ANPEP: variants seen among roughly 807,000 people sequenced by gnomAD.
ANPEP encodes the protein aminopeptidase N.
ANPEP carries 70 observed loss-of-function variants against 114.6 expected under a neutral mutation model. The observed-to-expected ratio is 0.61, with a 90% confidence interval of 0.50 to 0.75. The LOEUF (loss-of-function observed/expected upper bound fraction) is 0.75. Ranked by LOEUF, ANPEP falls within the 30% of genes least tolerant of loss-of-function variation. The probability of loss-of-function intolerance (pLI) is 0.00; values close to 1 mark genes in which losing one functional copy is unlikely to be tolerated. For synonymous variants in ANPEP, 548 were observed against 522.3 expected, an observed-to-expected ratio of 1.05 and a Z score of -0.67; for missense variants, 1,184 against 1,259.5, an observed-to-expected ratio of 0.94 and a Z score of 0.91.
At chr15:89,787,963 TA>T (rs1968537265) in intron 20 of ANPEP, among the ~76,000 whole-genome samples, 1 of 152,088 alleles carries the variant, frequency 6.6e-6, no homozygotes. Flanking sequence ...ATGACTATAC[TA>T]AAAAAAGAGG....
At chr15:89,794,673 A>G (rs1430529007) in intron 15 of ANPEP, among the ~76,000 whole-genome samples, 2 of 151,996 alleles carry the variant, frequency 1.3e-5, no homozygotes, top group African/African-American at 4.8e-5. Flanking sequence ...GAGAGATTGA[A>G]CCAGGGGGCT....
At chr15:89,791,639 G>A (rs185480335) in intron 18 of ANPEP, among the ~76,000 whole-genome samples, 1 of 147,618 alleles carries the variant, frequency 6.8e-6, no homozygotes, top group Non-Finnish European at 1.5e-5. Context: ...TTTTAGTAGA[G>A]ACGGGGTTTC....
rs1555442971 is a variant in ANPEP at position 89,814,000 on chromosome 15, G to GGGGC, written c.-224+771_-224+772insGCCC. ...CTGCCCACCGCACTGCTGGGGGGGG[G>GGGGC]GGGTGCGTTCTGGAGTCATTTGGGG... On this transcript the variant is annotated intron_variant, in intron 1 of 20. Transcript: ENST00000300060. Among the ~76,000 whole-genome samples the GGGGC allele has an allele frequency of 9.9e-5, 15 of 151,532 alleles. 3 individuals carry two copies. Among genetic ancestry groups the GGGGC allele is most frequent in the African/African-American group, 3.7e-4 (15 of 41,018 alleles).
At position 89,804,265 on chromosome 15, in the gene ANPEP, C is replaced by T. The variant is rs201197057; in HGVS notation, c.1167G>A (p.Glu389=). 6.8e-6 allele frequency: 11 copies of T among 1,614,138 alleles called. No individual in the cohort carries two copies. The highest frequency in any genetic ancestry group is 1.1e-5 in the South Asian group (1 of 91,084). ...KERVVTVIAH[E]LAHQWFGNLV... ...GATGGGGGTCTACCTGGTGGGCCAG[C>T]TCATGAGCAATCACAGTGACCACCC... is the stretch of plus-strand genomic sequence containing the variant. Residue 389 remains glutamate, a synonymous_variant, in exon 6 of 21, where the codon GAG becomes GAA. Transcript: ENST00000300060.
In ANPEP at chr15:89,801,428, T is replaced by G. The variant is rs1032663909; in HGVS notation, c.1742+7A>C. The G allele has an allele frequency of 2.2e-5, 35 of 1,613,792 alleles. No homozygotes were observed. The highest frequency in any genetic ancestry group is 3.0e-5 in the Non-Finnish European group (35 of 1,179,860). ...CTGACCATGCCTCAGTGACCCCATC[T>G]GCTCACTTGAATTCTGAGGGGCGGG... On this transcript the variant is annotated splice_region_variant and intron_variant, in intron 11 of 20. Transcript: ENST00000300060.
At chr15:89,811,902 A>G (rs774880358) in intron 1 of ANPEP, among the ~76,000 whole-genome samples, 4 of 152,170 alleles carry the variant, frequency 2.6e-5, no homozygotes, top group Admixed American at 6.5e-5. Flanking sequence ...CAGCCTTTCT[A>G]TGGGTTTATG....
intron 14 of ANPEP, among the ~76,000 whole-genome samples, chr15:89,798,925 C>T (rs1894528434): frequency 6.6e-6 from 1 of 151,358 alleles, no homozygotes; most frequent in South Asian, 2.1e-4. Flanking sequence ...GGCAACAGAG[C>T]GAGACTCCGT....
chr15:89,791,905 G>T (rs1968634882), intron 18 of ANPEP, among the ~76,000 whole-genome samples: 1 of 152,206 alleles, frequency 6.6e-6, no homozygotes, highest in Non-Finnish European at 1.5e-5. Context: ...CAGAAGGGAA[G>T]ACGAGTTGTT....
At chr15:89,805,256 T>C in intron 3 of ANPEP, 39 bp from the exon 4 acceptor site, 6 of 1,613,560 alleles carry the variant, frequency 3.7e-6, no homozygotes, top group Non-Finnish European at 5.1e-6. Flanking sequence ...CGTACCCTCC[T>C]GCCCCACACC....
At chr15:89,790,896 C>T (rs1968608626) in intron 19 of ANPEP, 57 bp downstream of exon 19, 3 of 1,592,248 alleles carry the variant, frequency 1.9e-6, no homozygotes, top group Admixed American at 3.5e-5. Context: ...CACAGGCCAC[C>T]CCCCGGGGCC....
chr15:89,795,017 C>T (rs776296832), intron 15 of ANPEP, among the ~76,000 whole-genome samples: 6 of 150,826 alleles, frequency 4.0e-5, no homozygotes, highest in Non-Finnish European at 8.8e-5. Context: ...GTCTCAAACC[C>T]AAAGGGGTGG....
intron 20 of ANPEP, among the ~76,000 whole-genome samples, chr15:89,788,379 G>T (rs1271284166): frequency 6.6e-6 from 1 of 152,206 alleles, no homozygotes; most frequent in Non-Finnish European, 1.5e-5. Flanking sequence ...CAAAAAGGCT[G>T]TGTGTATATG....
intron 15 of ANPEP, 32 bp from the exon 16 acceptor site, chr15:89,793,158 G>T: frequency 1.3e-6 from 2 of 1,585,430 alleles, no homozygotes; most frequent in Non-Finnish European, 1.7e-6. Context: ...TCTCATCAAA[G>T]ACTCATGCCT....
At chr15:89,794,336 T>C (rs538155781) in intron 15 of ANPEP, among the ~76,000 whole-genome samples, 4 of 151,556 alleles carry the variant, frequency 2.6e-5, no homozygotes, top group African/African-American at 9.7e-5. Context: ...ATACAAAAAT[T>C]AGCCAGGCAT....
chr15:89,796,810 T>C (rs2141798074), intron 15 of ANPEP, among the ~76,000 whole-genome samples: 1 of 152,300 alleles, frequency 6.6e-6, no homozygotes, highest in Admixed American at 6.5e-5. Flanking sequence ...TAATTGAACA[T>C]TTTTTAATGA....
chr15:89,795,209 C>T lies in ANPEP; in HGVS notation c.2158-2083G>A, dbSNP rs542484223. 1.9e-4 allele frequency among the ~76,000 whole-genome samples: 29 copies of T among 151,638 alleles called. No homozygotes were observed. In the East Asian group the frequency reaches 3.1e-3, roughly 16 times the overall value. On this transcript the variant is annotated intron_variant, in intron 15 of 20. Coordinates refer to ENST00000300060, the MANE Select transcript of ANPEP (RefSeq NM_001150.3). Reference sequence around the variant, plus strand: ...AAGAACACTTGGAAATTTAAAAATACGACAGAAGAAATGAAAACAATTTCT... The same window carrying T: ...AAGAACACTTGGAAATTTAAAAATATGACAGAAGAAATGAAAACAATTTCT...
intron 10 of ANPEP, among the ~76,000 whole-genome samples, 188 bp from the exon 11 acceptor site, chr15:89,801,795 T>C (rs1344825325): frequency 6.6e-6 from 1 of 152,212 alleles, no homozygotes; most frequent in Non-Finnish European, 1.5e-5. Flanking sequence ...TGCTCAGTGC[T>C]GGACGAGCTG....
intron 1 of ANPEP, among the ~76,000 whole-genome samples, chr15:89,809,153 G>A (rs1894775965): frequency 6.6e-6 from 1 of 152,242 alleles, no homozygotes; most frequent in Non-Finnish European, 1.5e-5. Context: ...CCCAGCACAT[G>A]CTGCCAGGCT....
chr15:89,806,067 C>T lies in ANPEP; in HGVS notation c.517G>A (p.Asp173Asn), dbSNP rs1470304197. The T allele has an allele frequency of 1.9e-6, 3 of 1,613,986 alleles. No homozygotes were observed. The highest frequency in any genetic ancestry group is 1.6e-4 in the Middle Eastern group (1 of 6,062). The change falls in exon 2 of 21, where the codon GAC becomes AAC. Residue 173 changes from aspartate to asparagine, a missense_variant. Coordinates refer to ENST00000300060, the MANE Select transcript of ANPEP (RefSeq NM_001150.3). The surrounding 1 kb of genome is among the most constrained non-coding windows in gnomAD (Gnocchi z 5.7). Reference protein sequence around the residue: ...VVHLKGSLVKDSQYEMDSEFE... With the variant: ...VVHLKGSLVKNSQYEMDSEFE... Reference sequence around the variant, plus strand: ...TCGCTGTCCATCTCATACTGGCTGTCCTTCACCAGGGAGCCCTTGAGGTGC... The same window carrying T: ...TCGCTGTCCATCTCATACTGGCTGTTCTTCACCAGGGAGCCCTTGAGGTGC...
Sources: gnomAD v4.1 joint callset for allele counts (sites outside exome capture counted in the v4.1 genomes callset) on GRCh38, gnomAD v4.1.1 for gene constraint, Gnocchi (gnomAD v3.1) non-coding constraint, MANE v1.5 for transcripts, NCBI Gene and HGNC (gene_info 2026-07-23, HGNC 2026-07-21) for gene names.